TRIM59: variants seen among roughly 807,000 people sequenced by gnomAD.
TRIM59 encodes tripartite motif-containing protein 59.
Under a neutral mutation model 32.2 loss-of-function variants are expected in TRIM59, and 14 were observed. That is an observed-to-expected ratio of 0.43 (90% confidence interval 0.29 to 0.68). The LOEUF (loss-of-function observed/expected upper bound fraction) is 0.68, where lower values mean the gene tolerates loss of function less well. Ranked by LOEUF, TRIM59 falls within the 30% of genes least tolerant of loss-of-function variation. TRIM59 has a pLI of 0.15. For missense variants in TRIM59, 471 were observed against 463.3 expected, an observed-to-expected ratio of 1.02 and a Z score of -0.15; for synonymous variants, 163 against 155.1, an observed-to-expected ratio of 1.05 and a Z score of -0.38.
At chr3:160,440,917 AT>A (rs1310858205) in intron 2 of TRIM59, among the ~76,000 whole-genome samples, 1 of 152,182 alleles carries the variant, frequency 6.6e-6, no homozygotes, top group Non-Finnish European at 1.5e-5. Flanking sequence ...CTCAAAAAAA[AT>A]AAACACCCAA....
At chr3:160,447,726 T>C (rs1719607630) in intron 2 of TRIM59, 1 of 152,264 alleles carries the variant, frequency 6.6e-6, no homozygotes, top group South Asian at 2.1e-4. Flanking sequence ...AAAATATATT[T>C]ATTACATTAT....
At chr3:160,447,600 C>T (rs1719603200) in intron 2 of TRIM59, 1 of 152,212 alleles carries the variant, frequency 6.6e-6, no homozygotes, top group Non-Finnish European at 1.5e-5. Context: ...AATATCATTA[C>T]CCATTCTCCT....
At position 160,436,387 on chromosome 3, in the gene TRIM59, TA is replaced by T; in HGVS notation, c.*1584del. 1.0e-6 allele frequency: 1 copy of T among 986,116 alleles called. No homozygotes were observed. The highest frequency in any genetic ancestry group is 1.2e-6 in the Non-Finnish European group (1 of 830,146). The allele number at this position is 986,116 out of a possible 1,614,324, so 61.1% of individuals were successfully genotyped here. The stretch of plus-strand genomic sequence containing the variant: ...TCTGGAAAGCAAATCAACCTGCACT[TA>T]GAGTTGCATGGACAGTGGGCCAAAA... On this transcript the variant is annotated 3_prime_UTR_variant, in exon 3 of 3. Coordinates refer to ENST00000309784, the MANE Select transcript of TRIM59 (RefSeq NM_173084.3).
chr3:160,435,869 C>G lies in TRIM59; in HGVS notation c.*2103G>C, dbSNP rs1718912914. Reference sequence around the variant, plus strand: ...TTTCTCACAGCTATATGGCCTTGGACAAGTCACTTGTCAGTTCCCTCATCT... The same window carrying G: ...TTTCTCACAGCTATATGGCCTTGGAGAAGTCACTTGTCAGTTCCCTCATCT... On this transcript the variant is annotated 3_prime_UTR_variant, in exon 3 of 3. Coordinates refer to ENST00000309784, the MANE Select transcript of TRIM59 (RefSeq NM_173084.3). 27 of 1,041,392 alleles carry G rather than the reference C, an allele frequency of 2.6e-5. No homozygotes were observed. Among genetic ancestry groups the G allele is most frequent in the Non-Finnish European group, 3.5e-5 (27 of 762,810 alleles). The allele number at this position is 1,041,392 out of a possible 1,614,324, so 64.5% of individuals were successfully genotyped here.
At chr3:160,443,895 C>T (rs758618595) in intron 2 of TRIM59, among the ~76,000 whole-genome samples, 1 of 152,114 alleles carries the variant, frequency 6.6e-6, no homozygotes, top group African/African-American at 2.4e-5. Flanking sequence ...CTGCCTCGAC[C>T]TCCCAAAGTG....
Position 160,436,352 on chromosome 3 carries a change from C to T in TRIM59, c.*1620G>A, listed in dbSNP as rs1718945089. On this transcript the variant is annotated 3_prime_UTR_variant, in exon 3 of 3. Transcript: ENST00000309784. The stretch of plus-strand genomic sequence containing the variant: ...CTCTTCGGTGATCCAAGAGCAGCCC[C>T]TTTGGGATTTCTGGAAAGCAAATCA... 1.0e-6 allele frequency: 1 copy of T among 985,940 alleles called. No homozygotes were observed. The highest frequency in any genetic ancestry group is 4.7e-5 in the South Asian group (1 of 21,292). 61.1% of individuals were successfully genotyped at this position (985,940 alleles called of 1,614,324 possible).
chr3:160,439,757 A>G (rs543176936), intron 2 of TRIM59, among the ~76,000 whole-genome samples: 2 of 151,984 alleles, frequency 1.3e-5, no homozygotes, highest in South Asian at 2.1e-4. Context: ...AGTCCATTAA[A>G]CCTCTTTTTC....
intron 2 of TRIM59, among the ~76,000 whole-genome samples, chr3:160,441,753 CAAA>C (rs538957200): frequency 1.0e-4 from 5 of 50,120 alleles, no homozygotes; most frequent in Non-Finnish European, 9.3e-5. Flanking sequence ...GACTCCATCT[CAAA>C]AAAAAAAAAA....
At chr3:160,439,607 T>C (rs1719137228) in intron 2 of TRIM59, among the ~76,000 whole-genome samples, 1 of 152,142 alleles carries the variant, frequency 6.6e-6, no homozygotes, top group Admixed American at 6.5e-5. Context: ...ACTGTTCTTG[T>C]AGTATCACGA....
chr3:160,441,839 C>G (rs1719270568), intron 2 of TRIM59, among the ~76,000 whole-genome samples: 2 of 151,678 alleles, frequency 1.3e-5, no homozygotes, highest in Non-Finnish European at 2.9e-5. Context: ...CAAAGTGTGT[C>G]ACACAGAGAC....
At chr3:160,447,744 G>A (rs1186015603) in intron 2 of TRIM59, 1 of 152,118 alleles carries the variant, frequency 6.6e-6, no homozygotes, top group African/African-American at 2.4e-5. Context: ...TATAGAATTC[G>A]ATGACTTGTC....
chr3:160,439,220 A>G, intron 2 of TRIM59, 34 bp from the exon 3 acceptor site: 1 of 1,480,514 alleles, frequency 6.8e-7, no homozygotes, highest in South Asian at 1.5e-5. Context: ...AAGTTTACAT[A>G]GAGACACCTG....
rs141451209 is a variant in TRIM59 at position 160,438,527 on chromosome 3, A to C, written c.657T>G (p.Thr219=). ...DVGNLINQEY[T]PQIERMKEIR... ...TTTCCTTCATTCTTTCAATTTGTGG[A>C]GTATATTCTTGATTAATTAGATTGC... Residue 219 remains threonine (T), a synonymous_variant, in exon 3 of 3, where the codon ACT becomes ACG. Coordinates refer to ENST00000309784, the MANE Select transcript of TRIM59 (RefSeq NM_173084.3). 109 of 1,611,634 alleles carry C rather than the reference A, an allele frequency of 6.8e-5. No homozygotes were observed. In the African/African-American group the frequency reaches 1.4e-3, roughly 21 times the overall value.
At chr3:160,444,700 G>T (rs1719433362) in intron 2 of TRIM59, among the ~76,000 whole-genome samples, 1 of 152,170 alleles carries the variant, frequency 6.6e-6, no homozygotes, top group African/African-American at 2.4e-5. Flanking sequence ...TGCTGCCTCG[G>T]AGCCACAAAC....
At chr3:160,440,161 T>C (rs1382486445) in intron 2 of TRIM59, among the ~76,000 whole-genome samples, 2 of 152,206 alleles carry the variant, frequency 1.3e-5, no homozygotes, top group Non-Finnish European at 2.9e-5. Context: ...TATAATTCTC[T>C]AAAGCAATAA....
Position 160,443,423 on chromosome 3 carries a change from A to G in TRIM59, c.-3-4237T>C, listed in dbSNP as rs377710823. Among the ~76,000 whole-genome samples the G allele has an allele frequency of 1.4e-4, 22 of 152,274 alleles. No homozygotes were observed. In the East Asian group the frequency reaches 4.2e-3, roughly 29 times the overall value. On this transcript the variant is annotated intron_variant, in intron 2 of 2. Transcript: ENST00000309784. ...CTTCTGAAATGGAAATTAAAACTCT[A>G]TACCTAGAAAAAAAATAATCCATTT... is the stretch of plus-strand genomic sequence containing the variant.
At chr3:160,444,661 A>C (rs989981151) in intron 2 of TRIM59, among the ~76,000 whole-genome samples, 32 of 152,214 alleles carry the variant, frequency 2.1e-4, no homozygotes, top group Non-Finnish European at 4.3e-4. Context: ...GGTGAGTTCT[A>C]GGTATAGCCC....
At chr3:160,440,097 T>C (rs1719165013) in intron 2 of TRIM59, among the ~76,000 whole-genome samples, 1 of 152,202 alleles carries the variant, frequency 6.6e-6, no homozygotes, top group African/African-American at 2.4e-5. Flanking sequence ...ACCATAAATT[T>C]TTTAGCTTCT....
Position 160,447,340 on chromosome 3 carries a change from T to C in TRIM59, c.-4+1386A>G, listed in dbSNP as rs113314233. On this transcript the variant is annotated intron_variant, in intron 2 of 2. Transcript: ENST00000309784. ...CCAAGTTCAAGATTTCCTGCTTCTC[T>C]TTTAAAACCGAGAAATATTAATATA... 7.0e-3 allele frequency among the ~76,000 whole-genome samples: 1,062 copies of C among 152,326 alleles called. 11 individuals carry two copies. Among genetic ancestry groups the C allele is most frequent in the Non-Finnish European group, 0.011 (770 of 68,030 alleles).
Sources: gnomAD v4.1 joint callset for allele counts (sites outside exome capture counted in the v4.1 genomes callset) on GRCh38, gnomAD v4.1.1 for gene constraint, MANE v1.5 for transcripts, NCBI Gene and HGNC (gene_info 2026-07-23, HGNC 2026-07-21) for gene names.